Variants in IPO11 observed in about 807,000 individuals in gnomAD.
IPO11 encodes importin 11.
A neutral mutation model predicts 143.2 loss-of-function variants in IPO11; 66 were observed. The ratio of observed to expected loss-of-function variants is 0.46; its 90% CI spans 0.38 to 0.57. The LOEUF is 0.57. Among genes scored for constraint, IPO11 ranks in the 20% least tolerant of loss-of-function variants. The pLI, the probability that IPO11 is intolerant of heterozygous loss-of-function variation, is 0.00. For synonymous variants in IPO11, 385 were observed against 377.8 expected, an observed-to-expected ratio of 1.02 and a Z score of -0.22; for missense variants, 1,026 against 1,141.0, an observed-to-expected ratio of 0.90 and a Z score of 1.45.
At chr5:62,449,102 T>C (rs1744818329) in intron 3 of IPO11, among the ~76,000 whole-genome samples, 1 of 152,196 alleles carries the variant, frequency 6.6e-6, no homozygotes, top group South Asian at 2.1e-4. Context: ...GGTGCAATCA[T>C]AGCTCACTGC....
intron 29 of IPO11, among the ~76,000 whole-genome samples, chr5:62,605,409 T>G (rs1745670236): frequency 6.6e-6 from 1 of 152,192 alleles, no homozygotes; most frequent in Non-Finnish European, 1.5e-5. Flanking sequence ...TGTCCAGCCT[T>G]TTGATCTCCC....
At position 62,561,127 on chromosome 5, in the gene IPO11, T is replaced by C. The variant is rs1473061350; in HGVS notation, c.2461-9T>C. 7 of 1,599,542 alleles carry C rather than the reference T, an allele frequency of 4.4e-6. No individual in the cohort carries two copies. The highest frequency in any genetic ancestry group is 6.0e-6 in the Non-Finnish European group (7 of 1,174,034). Reference sequence around the variant, plus strand: ...AGGTATTTTGAGATGCCTCCTCCTCTTGTTTCAGATGGACCAGCTTTTGGG... The same window carrying C: ...AGGTATTTTGAGATGCCTCCTCCTCCTGTTTCAGATGGACCAGCTTTTGGG... On this transcript the variant is annotated splice_polypyrimidine_tract_variant and intron_variant, in intron 26 of 29. Coordinates refer to ENST00000325324, the MANE Select transcript of IPO11 (RefSeq NM_016338.5).
chr5:62,427,401 A>G (rs1339491236), intron 1 of IPO11, among the ~76,000 whole-genome samples: 1 of 152,128 alleles, frequency 6.6e-6, no homozygotes, highest in African/African-American at 2.4e-5. Context: ...TTTGTTGTGC[A>G]TTTTTTCCTC....
intron 19 of IPO11, among the ~76,000 whole-genome samples, chr5:62,514,525 G>T (rs191620819): frequency 0.011 from 1,650 of 151,030 alleles, 19 homozygotes; most frequent in South Asian, 0.019. Context: ...AGGCTGCAGA[G>T]AGCCGAGATG....
chr5:62,619,333 C>G (rs1746261046), intron 29 of IPO11, among the ~76,000 whole-genome samples: 1 of 152,118 alleles, frequency 6.6e-6, no homozygotes, highest in Non-Finnish European at 1.5e-5. Flanking sequence ...TCCTTTGTAT[C>G]CTATTTTAAA....
chr5:62,463,517 T>A (rs898574489), intron 5 of IPO11, among the ~76,000 whole-genome samples: 10 of 151,524 alleles, frequency 6.6e-5, no homozygotes, highest in African/African-American at 2.4e-4. Context: ...TAAAAATAAA[T>A]ATATAAATTA....
At chr5:62,418,008 C>T (rs1580152562) in intron 1 of IPO11, among the ~76,000 whole-genome samples, 1 of 152,074 alleles carries the variant, frequency 6.6e-6, no homozygotes, top group Non-Finnish European at 1.5e-5. Flanking sequence ...TTATTTATTT[C>T]TGAGACAGAA....
At position 62,536,766 on chromosome 5, in the gene IPO11, A is replaced by T; in HGVS notation, c.2154A>T (p.Ser718=). 1 of 1,565,204 alleles carries T rather than the reference A, an allele frequency of 6.4e-7. No homozygotes were observed. Among genetic ancestry groups the T allele is most frequent in the Non-Finnish European group, 8.6e-7 (1 of 1,162,138 alleles). ...KIINGYIFLS[S]TEFLQTYAVG... ...TCAATGGTTATATCTTTTTATCATCAACAGAATTTTTACAGGTATGTTGGA... is the reference window on the plus strand; with the variant it reads ...TCAATGGTTATATCTTTTTATCATCTACAGAATTTTTACAGGTATGTTGGA... Residue 718 remains serine, a synonymous_variant, in exon 23 of 30, where the codon TCA becomes TCT. Transcript: ENST00000325324.
intron 5 of IPO11, among the ~76,000 whole-genome samples, chr5:62,465,294 G>GGATGATAGA (rs1388611832): frequency 7.9e-5 from 12 of 152,188 alleles, no homozygotes; most frequent in African/African-American, 2.6e-4. Flanking sequence ...ATAAAATTTA[G>GGATGATAGA]GATGATAGAT....
At chr5:62,482,771 A>T (rs1295260013) in intron 9 of IPO11, among the ~76,000 whole-genome samples, 1 of 152,198 alleles carries the variant, frequency 6.6e-6, no homozygotes, top group Non-Finnish European at 1.5e-5. Flanking sequence ...TCTTTACCTT[A>T]GTCTATTACT....
At chr5:62,424,539 TTG>T in intron 1 of IPO11, among the ~76,000 whole-genome samples, 1 of 150,486 alleles carries the variant, frequency 6.6e-6, no homozygotes, top group Non-Finnish European at 1.5e-5. Context: ...CCTCAGCTTC[TTG>T]AGTAGCTGGG....
intron 26 of IPO11, among the ~76,000 whole-genome samples, chr5:62,559,722 A>G (rs1185127710): frequency 2.0e-5 from 3 of 151,698 alleles, no homozygotes; most frequent in East Asian, 1.9e-4. Flanking sequence ...TTTGATACCA[A>G]CCTGGCCAAT....
chr5:62,481,773 G>A (rs573574913), intron 9 of IPO11, among the ~76,000 whole-genome samples: 5 of 152,122 alleles, frequency 3.3e-5, no homozygotes, highest in Admixed American at 3.3e-4. Context: ...ATCTCTGCGA[G>A]GCTTTGGTAT....
At chr5:62,476,636 G>A (rs369413123) in intron 8 of IPO11, 47 bp from the exon 9 acceptor site, 13 of 1,471,096 alleles carry the variant, frequency 8.8e-6, no homozygotes, top group Admixed American at 2.6e-5. Context: ...ATGTTGTCTT[G>A]GTTGTGAACT....
chr5:62,461,288 G>A (rs1250954117), intron 5 of IPO11, among the ~76,000 whole-genome samples: 1 of 152,204 alleles, frequency 6.6e-6, no homozygotes, highest in African/African-American at 2.4e-5. Context: ...CATCAGGGAT[G>A]AGAGGGGGTT....
intron 1 of IPO11, among the ~76,000 whole-genome samples, chr5:62,419,853 G>A (rs1223093891): frequency 2.0e-5 from 3 of 151,994 alleles, no homozygotes; most frequent in African/African-American, 7.3e-5. Flanking sequence ...AATTAGCATG[G>A]CATGATGGCT....
intron 20 of IPO11, among the ~76,000 whole-genome samples, chr5:62,520,916 G>C (rs925435839): frequency 6.6e-6 from 1 of 152,196 alleles, no homozygotes; most frequent in Non-Finnish European, 1.5e-5. Flanking sequence ...CTAGATCCTT[G>C]AGGAATTGCC....
intron 9 of IPO11, among the ~76,000 whole-genome samples, chr5:62,480,820 TAAG>T (rs1158039836): frequency 3.3e-5 from 5 of 152,098 alleles, no homozygotes; most frequent in Admixed American, 2.6e-4. Context: ...CTTATCAGCT[TAAG>T]GAGATTTTGG....
At chr5:62,435,082 G>GTGTATATA (rs1211170802) in intron 1 of IPO11, among the ~76,000 whole-genome samples, 4 of 94,504 alleles carry the variant, frequency 4.2e-5, no homozygotes, top group East Asian at 2.9e-4. Flanking sequence ...GTATATATAT[G>GTGTATATA]TGTATATATG....
Sources: gnomAD v4.1 joint callset for allele counts (sites outside exome capture counted in the v4.1 genomes callset) on GRCh38, gnomAD v4.1.1 for gene constraint, MANE v1.5 for transcripts, NCBI Gene and HGNC (gene_info 2026-07-23, HGNC 2026-07-21) for gene names.